KCNJ15: variants seen among roughly 807,000 people sequenced by gnomAD.
KCNJ15 encodes potassium inwardly rectifying channel subfamily J member 15.
A neutral mutation model predicts 23.0 loss-of-function variants in KCNJ15; 14 were observed. The observed-to-expected ratio is 0.61, with a 90% CI of 0.40 to 0.95. The LOEUF (loss-of-function observed/expected upper bound fraction) is 0.95. Among genes scored for constraint, KCNJ15 ranks in the 40% least tolerant of loss-of-function variants. The probability of loss-of-function intolerance (pLI) is 0.00; values close to 1 mark genes in which losing one functional copy is unlikely to be tolerated. For missense variants in KCNJ15, 388 were observed against 461.8 expected, an observed-to-expected ratio of 0.84 and a Z score of 1.46; for synonymous variants, 185 against 183.2, an observed-to-expected ratio of 1.01 and a Z score of -0.08.
At chr21:38,241,942 C>T (rs888879070) in intron 1 of KCNJ15, among the ~76,000 whole-genome samples, 3 of 148,304 alleles carry the variant, frequency 2.0e-5, no homozygotes, top group East Asian at 2.0e-4. Flanking sequence ...GCCCTTCAGC[C>T]TGGGTGACAG....
intron 2 of KCNJ15, among the ~76,000 whole-genome samples, 182 bp downstream of exon 2, chr21:38,297,205 G>A (rs531722867): frequency 3.9e-5 from 6 of 152,228 alleles, no homozygotes; most frequent in African/African-American, 1.2e-4. Context: ...TTGATAGGAG[G>A]TATGATAGAT....
In KCNJ15 at chr21:38,305,527, A is replaced by G. The variant is rs1601273298; in HGVS notation, c.*5138A>G. 1 of 152,258 alleles carries G rather than the reference A, an allele frequency of 6.6e-6. No individual in the cohort carries two copies. The highest frequency in any genetic ancestry group is 1.5e-5 in the Non-Finnish European group (1 of 68,050). 9.4% of individuals were successfully genotyped at this position (152,258 alleles called of 1,614,324 possible). On this transcript the variant is annotated 3_prime_UTR_variant, in exon 3 of 3. Coordinates refer to ENST00000398938, the MANE Select transcript of KCNJ15 (RefSeq NM_170736.3). ...GCCAACGATGTCATATATGTAGGCAAAGTCTTTGTAATCTGAATATAATGC... is the reference window on the plus strand; with the variant it reads ...GCCAACGATGTCATATATGTAGGCAGAGTCTTTGTAATCTGAATATAATGC...
At chr21:38,270,840 G>T (rs1057249083) in intron 1 of KCNJ15, among the ~76,000 whole-genome samples, 1 of 152,196 alleles carries the variant, frequency 6.6e-6, no homozygotes, top group African/African-American at 2.4e-5. Flanking sequence ...AGACTGAAAA[G>T]GTTCATAAGT....
intron 1 of KCNJ15, among the ~76,000 whole-genome samples, chr21:38,243,567 G>A (rs1979155713): frequency 6.6e-6 from 1 of 152,150 alleles, no homozygotes; most frequent in Admixed American, 6.5e-5. Flanking sequence ...GATTACAGGA[G>A]CCTGCCACCA....
chr21:38,234,100 T>G (rs1978443342), intron 1 of KCNJ15, among the ~76,000 whole-genome samples: 1 of 152,188 alleles, frequency 6.6e-6, no homozygotes, highest in Admixed American at 6.5e-5. Flanking sequence ...TTTGGGCTCT[T>G]TTTGATAAAT....
chr21:38,234,624 C>CACTGAAACT, intron 1 of KCNJ15, among the ~76,000 whole-genome samples: 1 of 152,202 alleles, frequency 6.6e-6, no homozygotes, highest in African/African-American at 2.4e-5. Flanking sequence ...GACAGCAATG[C>CACTGAAACT]ACTGAAACTA....
chr21:38,299,121 C>T lies in KCNJ15; in HGVS notation c.-18-123C>T. ...CTAAGTATAGATCAGTTAATCTTGC[C>T]TTCAGAATTCTCCTTTCTTGTGTAC... On this transcript the variant is annotated intron_variant, in intron 2 of 2. Coordinates refer to ENST00000398938, the MANE Select transcript of KCNJ15 (RefSeq NM_170736.3). The surrounding 1 kb of genome is among the most constrained non-coding windows in gnomAD (Gnocchi z 4.5). 3 of 779,702 alleles carry T rather than the reference C, an allele frequency of 3.8e-6. No individual in the cohort carries two copies. Among genetic ancestry groups the T allele is most frequent in the Non-Finnish European group, 4.1e-6 (2 of 485,220 alleles). The allele number at this position is 779,702 out of a possible 1,614,324, so 48.3% of individuals were successfully genotyped here.
chr21:38,249,111 C>T (rs1473456315), intron 1 of KCNJ15, among the ~76,000 whole-genome samples: 1 of 152,148 alleles, frequency 6.6e-6, no homozygotes, highest in Non-Finnish European at 1.5e-5. Context: ...AAGAATATAA[C>T]CATTTAGTGT....
intron 1 of KCNJ15, among the ~76,000 whole-genome samples, chr21:38,274,966 C>T (rs1371963248): frequency 6.6e-6 from 1 of 152,106 alleles, no homozygotes; most frequent in African/African-American, 2.4e-5. Flanking sequence ...CAATTTCCAC[C>T]TCCAGCCCCA....
intron 1 of KCNJ15, among the ~76,000 whole-genome samples, chr21:38,232,324 G>C (rs983507641): frequency 6.6e-6 from 1 of 151,558 alleles, no homozygotes; most frequent in African/African-American, 2.4e-5. Context: ...TTAATAATTT[G>C]AGTCTTCTCT....
chr21:38,263,796 C>T (rs544357046), intron 1 of KCNJ15, among the ~76,000 whole-genome samples: 2 of 152,136 alleles, frequency 1.3e-5, no homozygotes, highest in African/African-American at 2.4e-5. Context: ...TTCGGGATTG[C>T]GAAGTGGCTG....
In KCNJ15 at chr21:38,271,050, C is replaced by G. The variant is rs28451870; in HGVS notation, c.-117+13865C>G. On this transcript the variant is annotated intron_variant, in intron 1 of 2. Transcript: ENST00000398938. ...CATCTGGACATTGGGGAGCCCCAGG[C>G]CAGCAGGGTTTCTGCTAAGTGGACC... Among the ~76,000 whole-genome samples, 1,415 of 152,356 alleles carry G rather than the reference C, an allele frequency of 9.3e-3. 16 individuals carry two copies. The highest frequency in any genetic ancestry group is 0.031 in the African/African-American group (1,287 of 41,574).
upstream of KCNJ15, among the ~76,000 whole-genome samples, chr21:38,252,620 G>A (rs760376756): frequency 1.3e-5 from 2 of 152,154 alleles, no homozygotes; most frequent in Non-Finnish European, 2.9e-5. Flanking sequence ...AAAATCTCGT[G>A]CATCTTAAAT....
At chr21:38,276,806 T>A (rs184707859) in intron 1 of KCNJ15, among the ~76,000 whole-genome samples, 1 of 152,314 alleles carries the variant, frequency 6.6e-6, no homozygotes, top group East Asian at 1.9e-4. Flanking sequence ...TTAAAAATAT[T>A]TTTTAAAACT....
chr21:38,296,369 T>C (rs1196274587), intron 1 of KCNJ15, among the ~76,000 whole-genome samples: 2 of 152,176 alleles, frequency 1.3e-5, no homozygotes, highest in African/African-American at 4.8e-5. Context: ...TAAAGGAGAT[T>C]ACATGAAACT....
intron 1 of KCNJ15, among the ~76,000 whole-genome samples, chr21:38,234,315 T>G (rs1230011888): frequency 6.6e-6 from 1 of 152,232 alleles, no homozygotes; most frequent in East Asian, 1.9e-4. Flanking sequence ...GTATTTTATG[T>G]GGCCCAAGAC....
intron 1 of KCNJ15, among the ~76,000 whole-genome samples, chr21:38,259,560 C>T (rs1264402072): frequency 6.6e-6 from 1 of 152,146 alleles, no homozygotes; most frequent in Non-Finnish European, 1.5e-5. Context: ...GTCAGAAAGC[C>T]ATTACATGAG....
Position 38,293,853 on chromosome 21 carries a change from T to G in KCNJ15, c.-116-3073T>G, listed in dbSNP as rs1282108724. 2.6e-5 allele frequency among the ~76,000 whole-genome samples: 4 copies of G among 152,264 alleles called. No homozygotes were observed. In the East Asian group the frequency reaches 7.7e-4, roughly 29 times the overall value. On this transcript the variant is annotated intron_variant, in intron 1 of 2. Coordinates refer to ENST00000398938, the MANE Select transcript of KCNJ15 (RefSeq NM_170736.3). ...CTTGTTTTCAATGAACATGTCTGTT[T>G]CTGAGGCCACTTGGCAAAGCTATCT...
rs1226998146 is a variant in KCNJ15, at chr21:38,300,289, G to A, written c.1028G>A (p.Cys343Tyr). 3.1e-6 allele frequency: 5 copies of A among 1,614,152 alleles called. No homozygotes were observed. The East Asian group carries it at 8.9e-5, about 29-fold the overall frequency. Reference sequence around the variant, plus strand: ...AAAAGCCCAGATTGCACATTTTACTGTGCAGATTCTGAGAAACAGCAACTC... The same window carrying A: ...AAAAGCCCAGATTGCACATTTTACTATGCAGATTCTGAGAAACAGCAACTC... ...IRKSPDCTFY[C>Y]ADSEKQQLEE... Residue 343 changes from cysteine to tyrosine, a missense_variant, in exon 3 of 3, where the codon TGT becomes TAT. By Grantham distance (194) the Cys-to-Tyr change is radical. Coordinates refer to ENST00000398938, the MANE Select transcript of KCNJ15 (RefSeq NM_170736.3).
Sources: allele counts gnomAD v4.1 joint callset (sites outside exome capture counted in the v4.1 genomes callset), GRCh38; gene constraint gnomAD v4.1.1; non-coding constraint Gnocchi (gnomAD v3.1); transcripts MANE v1.5; gene names NCBI Gene and HGNC (gene_info 2026-07-23, HGNC 2026-07-21).